Variants in OCIAD1 observed in about 807,000 individuals in gnomAD.
OCIAD1 encodes OCIA domain-containing protein 1.
A neutral mutation model predicts 38.9 loss-of-function variants in OCIAD1; 29 were observed. The observed-to-expected ratio is 0.74, with a 90% confidence interval of 0.55 to 1.02. The LOEUF (loss-of-function observed/expected upper bound fraction) is 1.02, where lower values mean the gene tolerates loss of function less well. Among genes scored for constraint, OCIAD1 ranks in the 50% least tolerant of loss-of-function variants. OCIAD1 has a pLI of 0.00. For synonymous variants in OCIAD1, 110 were observed against 92.0 expected (o/e 1.20, Z -1.12); for missense variants, 288 against 289.6 (o/e 0.99, Z 0.04).
intron 1 of OCIAD1, among the ~76,000 whole-genome samples, chr4:48,809,052 C>G (rs1233631869): frequency 6.6e-6 from 1 of 152,140 alleles, no homozygotes; most frequent in African/African-American, 2.4e-5. Flanking sequence ...TTAGTTCAAG[C>G]CTTCATTTTT....
In OCIAD1 at chr4:48,852,882, G is replaced by GTTTTTTTTTTTTTTTTT. The variant is rs1439653723; in HGVS notation, c.547+908_547+924dup. Among the ~76,000 whole-genome samples the GTTTTTTTTTTTTTTTTT allele has an allele frequency of 8.7e-5, 11 of 126,306 alleles. 1 individual carries two copies. Among genetic ancestry groups the GTTTTTTTTTTTTTTTTT allele is most frequent in the African/African-American group, 2.8e-4 (9 of 31,674 alleles). The allele number at this position is 126,306 out of a possible 152,430, so 82.9% of individuals were successfully genotyped here. On this transcript the variant is annotated intron_variant, in intron 7 of 8. Coordinates refer to ENST00000264312, the MANE Select transcript of OCIAD1 (RefSeq NM_017830.4). ...TAAGCCAAGTTTTTTTTTGTTTTTT[G>GTTTTTTTTTTTTTTTTT]TTTTTTTTTTTTTTTTTGAGATGGA...
chr4:48,819,864 A>T (rs1226729445), intron 1 of OCIAD1, among the ~76,000 whole-genome samples: 2 of 151,922 alleles, frequency 1.3e-5, no homozygotes, highest in Non-Finnish European at 2.9e-5. Context: ...AGCTAAGTAT[A>T]TATGCAACCA....
At chr4:48,859,571 T>TTTGTCAGAAC (rs1237361523) in intron 8 of OCIAD1, among the ~76,000 whole-genome samples, 1 of 152,198 alleles carries the variant, frequency 6.6e-6, no homozygotes, top group Non-Finnish European at 1.5e-5. Flanking sequence ...CATTTTTGAT[T>TTTGTCAGAAC]TTTGACTGAA....
intron 3 of OCIAD1, among the ~76,000 whole-genome samples, chr4:48,833,793 C>G (rs1452964022): frequency 1.3e-5 from 2 of 152,046 alleles, no homozygotes; most frequent in African/African-American, 4.8e-5. Context: ...CCTCACTTTA[C>G]AGGTGAAGGA....
chr4:48,830,452 A>T (rs1579042079), upstream of OCIAD1: 1 of 152,256 alleles, frequency 6.6e-6, no homozygotes, highest in Non-Finnish European at 1.5e-5. Flanking sequence ...GAAAATGAGT[A>T]AAATGCTGAT....
At chr4:48,857,775 A>G (rs1006564352) in intron 8 of OCIAD1, among the ~76,000 whole-genome samples, 48 of 152,152 alleles carry the variant, frequency 3.2e-4, no homozygotes, top group African/African-American at 1.1e-3. Flanking sequence ...AGTCTCTGAG[A>G]GTGCTAGGAT....
At chr4:48,843,612 C>T (rs1778722130) in intron 4 of OCIAD1, among the ~76,000 whole-genome samples, 1 of 151,952 alleles carries the variant, frequency 6.6e-6, no homozygotes, top group South Asian at 2.1e-4. Flanking sequence ...AGTACCATGA[C>T]AAAAATCTTA....
At chr4:48,857,055 C>A in intron 7 of OCIAD1, 158 bp from the exon 8 acceptor site, 1 of 377,058 alleles carries the variant, frequency 2.7e-6, no homozygotes, top group Non-Finnish European at 4.8e-6. Context: ...TGATGATTAT[C>A]TTGGTGAAAG....
rs139893693 is a variant in OCIAD1 at position 48,817,253 on chromosome 4, A to T, written c.-103+11923A>T. Among the ~76,000 whole-genome samples, 683 of 152,260 alleles carry T rather than the reference A, an allele frequency of 4.5e-3. 9 individuals carry two copies. Among genetic ancestry groups the T allele is most frequent in the African/African-American group, 0.015 (615 of 41,564 alleles). ...CTGTGCTACCCAGCTGGGTTACTACACTTTTTCCACGGTTTTTGCAATCTG... is the reference window on the plus strand; with the variant it reads ...CTGTGCTACCCAGCTGGGTTACTACTCTTTTTCCACGGTTTTTGCAATCTG... On this transcript the variant is annotated intron_variant, in intron 1 of 6. Coordinates refer to the OCIAD1 transcript ENST00000504654.
chr4:48,815,641 G>C (rs1464637252), intron 1 of OCIAD1, among the ~76,000 whole-genome samples: 1 of 152,168 alleles, frequency 6.6e-6, no homozygotes, highest in Admixed American at 6.5e-5. Flanking sequence ...TGATAATGTA[G>C]ACAGGGCTAT....
At chr4:48,840,082 C>T (rs977893961) in intron 3 of OCIAD1, among the ~76,000 whole-genome samples, 24 of 152,158 alleles carry the variant, frequency 1.6e-4, no homozygotes, top group African/African-American at 5.3e-4. Flanking sequence ...AAGTAGAATA[C>T]CTGAGTTGGA....
At chr4:48,832,864 C>T (rs549591324) in intron 2 of OCIAD1, 182 bp downstream of exon 2, 114 of 591,616 alleles carry the variant, frequency 1.9e-4, no homozygotes, top group African/African-American at 1.7e-3. Context: ...AGGAGTCCCA[C>T]GTTTTTATTT....
At chr4:48,823,564 A>T (rs760656607) in intron 1 of OCIAD1, among the ~76,000 whole-genome samples, 2 of 152,014 alleles carry the variant, frequency 1.3e-5, no homozygotes, top group African/African-American at 4.8e-5. Flanking sequence ...AGTAAAATAA[A>T]AAAAAAAAGA....
chr4:48,816,018 A>T (rs938217797), intron 1 of OCIAD1, among the ~76,000 whole-genome samples: 39 of 152,118 alleles, frequency 2.6e-4, no homozygotes, highest in African/African-American at 8.7e-4. Context: ...AATAATTTCA[A>T]CCATTCTCTT....
At chr4:48,815,970 T>C (rs1218583739) in intron 1 of OCIAD1, among the ~76,000 whole-genome samples, 3 of 152,236 alleles carry the variant, frequency 2.0e-5, no homozygotes, top group Non-Finnish European at 4.4e-5. Flanking sequence ...TATCTGATTG[T>C]TTTCTTTTCA....
At chr4:48,832,751 A>G in intron 2 of OCIAD1, 69 bp downstream of exon 2, 2 of 1,172,266 alleles carry the variant, frequency 1.7e-6, no homozygotes, top group Non-Finnish European at 2.6e-6. Flanking sequence ...TGCCTTGAGT[A>G]ACAGTGGCAG....
intron 1 of OCIAD1, among the ~76,000 whole-genome samples, chr4:48,808,329 G>A (rs1042977173): frequency 6.6e-6 from 1 of 152,100 alleles, no homozygotes; most frequent in Non-Finnish European, 1.5e-5. Flanking sequence ...AATTAGCTGG[G>A]TGTGGTGGCA....
intron 1 of OCIAD1, among the ~76,000 whole-genome samples, chr4:48,821,665 A>G (rs937096313): frequency 6.6e-6 from 1 of 152,130 alleles, no homozygotes; most frequent in African/African-American, 2.4e-5. Context: ...CAGCCCAAAA[A>G]TTCTTAAGCT....
chr4:48,843,634 G>A lies in OCIAD1; in HGVS notation c.193+945G>A, dbSNP rs1044425837. Among the ~76,000 whole-genome samples, 4 of 152,152 alleles carry A rather than the reference G, an allele frequency of 2.6e-5. No individual in the cohort carries two copies. In the East Asian group the frequency reaches 5.8e-4, roughly 22 times the overall value. On this transcript the variant is annotated intron_variant, in intron 4 of 8. Transcript: ENST00000264312. ...TGACAAAAATCTTAAACATAGAAGCGAGTCAAGATGTATGCACTTATATGT... is the reference window on the plus strand; with the variant it reads ...TGACAAAAATCTTAAACATAGAAGCAAGTCAAGATGTATGCACTTATATGT...
Sources: gnomAD v4.1 joint callset for allele counts (sites outside exome capture counted in the v4.1 genomes callset) on GRCh38, gnomAD v4.1.1 for gene constraint, MANE v1.5 for transcripts, NCBI Gene and HGNC (gene_info 2026-07-23, HGNC 2026-07-21) for gene names.